The following CTDP1 variants were observed in gnomAD, a reference collection of about 807,000 sequenced individuals.
CTDP1 encodes the protein RNA polymerase II subunit A C-terminal domain phosphatase.
A neutral mutation model predicts 91.8 loss-of-function variants in CTDP1; 47 were observed. The observed-to-expected ratio is 0.51, with a 90% confidence interval of 0.41 to 0.65. The LOEUF (loss-of-function observed/expected upper bound fraction) is 0.65. Among genes scored for constraint, CTDP1 ranks in the 30% least tolerant of loss-of-function variants. CTDP1 has a pLI of 0.00. For synonymous variants in CTDP1, 656 were observed against 598.5 expected (o/e 1.10, Z -1.40); for missense variants, 1,272 against 1,373.7 (o/e 0.93, Z 1.17).
At chr18:79,693,265 GT>G (rs905848736) in intron 1 of CTDP1, among the ~76,000 whole-genome samples, 1 of 151,772 alleles carries the variant, frequency 6.6e-6, no homozygotes, top group Non-Finnish European at 1.5e-5. Context: ...TTTTGTTTTT[GT>G]TTTTTTTCAG....
chr18:79,679,994 C>T lies in CTDP1; in HGVS notation c.47C>T (p.Thr16Met). Residue 16 changes from threonine (T) to methionine (M), a missense_variant, in exon 1 of 13, where the codon ACG becomes ATG. Physicochemically the swap from Thr to Met is moderately conservative, Grantham distance 81. Transcript: ENST00000613122. ...CGCGTTCCTGCCGAGGGCGCCCCGA[C>T]GGCGGCTGTGGCCGAGGTGCGCTGC... ...AGRVPAEGAPTAAVAEVRCPG... is the reference protein window; with the variant it reads ...AGRVPAEGAPMAAVAEVRCPG... 1 of 1,336,908 alleles carries T rather than the reference C, an allele frequency of 7.5e-7. No homozygotes were observed. Among genetic ancestry groups the T allele is most frequent in the South Asian group, 1.7e-5 (1 of 57,548 alleles). 82.8% of individuals were successfully genotyped at this position (1,336,908 alleles called of 1,614,324 possible). A position where few individuals can be genotyped will look rare whatever the true frequency, so the allele number is the denominator to read the frequency against.
chr18:79,723,175 C>G (rs1168004018), intron 10 of CTDP1, among the ~76,000 whole-genome samples: 2 of 152,036 alleles, frequency 1.3e-5, no homozygotes, highest in Non-Finnish European at 2.9e-5. Context: ...CCCCATGGCA[C>G]TCCTGTCTCA....
chr18:79,696,611 G>A (rs2056084196), intron 3 of CTDP1, among the ~76,000 whole-genome samples: 1 of 152,152 alleles, frequency 6.6e-6, no homozygotes, highest in Non-Finnish European at 1.5e-5. Flanking sequence ...GGGAGAGTGG[G>A]CACATGCAGG....
chr18:79,730,320 G>A (rs2086539809), intron 11 of CTDP1, among the ~76,000 whole-genome samples: 2 of 152,216 alleles, frequency 1.3e-5, no homozygotes, highest in Non-Finnish European at 2.9e-5. Context: ...GGGGTGGGAG[G>A]AGAGGAGGGA....
intron 11 of CTDP1, among the ~76,000 whole-genome samples, chr18:79,731,197 A>C (rs1429107892): frequency 6.6e-6 from 1 of 152,082 alleles, no homozygotes; most frequent in Non-Finnish European, 1.5e-5. Flanking sequence ...GACGATGGGG[A>C]GTCAAGAGGA....
chr18:79,712,471 A>G (rs586455), intron 6 of CTDP1, among the ~76,000 whole-genome samples: 115,887 of 152,022 alleles, frequency 0.76, 44,428 homozygotes, highest in Middle Eastern at 0.79. Flanking sequence ...TTGTAGAGAC[A>G]GGGTCTTCCT....
chr18:79,676,992 C>T (rs1407747602), upstream of CTDP1, among the ~76,000 whole-genome samples: 1 of 152,260 alleles, frequency 6.6e-6, no homozygotes, highest in Non-Finnish European at 1.5e-5. Context: ...GGGATGTCTA[C>T]ATCTGTCTAC....
intron 5 of CTDP1, among the ~76,000 whole-genome samples, chr18:79,708,387 G>T (rs1438456687): frequency 6.6e-6 from 1 of 152,234 alleles, no homozygotes; most frequent in Admixed American, 6.5e-5. Flanking sequence ...AGTAGGGATG[G>T]GTGCAGGGAG....
intron 6 of CTDP1, among the ~76,000 whole-genome samples, 192 bp from the exon 7 acceptor site, chr18:79,712,780 A>C (rs1031009292): frequency 1.3e-5 from 2 of 152,224 alleles, no homozygotes; most frequent in African/African-American, 2.4e-5. Flanking sequence ...AATCGGAAAC[A>C]GCACTGAAGA....
chr18:79,737,582 T>C (rs1006281712), intron 12 of CTDP1, among the ~76,000 whole-genome samples: 1 of 152,102 alleles, frequency 6.6e-6, no homozygotes, highest in African/African-American at 2.4e-5. Flanking sequence ...TTTCTCAGGT[T>C]GGTCGATGAA....
At chr18:79,734,047 C>G (rs895743827) in intron 11 of CTDP1, among the ~76,000 whole-genome samples, 7 of 152,238 alleles carry the variant, frequency 4.6e-5, no homozygotes, top group African/African-American at 1.7e-4. Context: ...AATTTTCTAA[C>G]TTTACAATGA....
At chr18:79,698,502 C>G (rs1452221894) in intron 4 of CTDP1, among the ~76,000 whole-genome samples, 1 of 152,104 alleles carries the variant, frequency 6.6e-6, no homozygotes, top group Non-Finnish European at 1.5e-5. Context: ...AGGGTGAGGG[C>G]AGAACCCTGT....
At chr18:79,678,770 G>A (rs143641975), upstream of CTDP1, 2 of 152,914 alleles carry the variant, frequency 1.3e-5, no homozygotes, top group East Asian at 1.9e-4. Flanking sequence ...AATTAAAACA[G>A]TCCAGAGCGG....
At position 79,736,494 on chromosome 18, in the gene CTDP1, G is replaced by C; in HGVS notation, c.2720G>C (p.Arg907Thr). ...RTLGAPASSE[R>T]SAAGGRGPRG... ...CTCGGGGCACCTGCGTCCAGCGAGA[G>C]GAGCGCGGCAGGGGGCCGGGGGCCC... The change falls in exon 12 of 13, where the codon AGG (arginine) becomes ACG (threonine). Residue 907 changes from arginine to threonine, a missense_variant. By Grantham distance (71) the Arg-to-Thr change is moderately conservative (BLOSUM62 -1). Transcript: ENST00000613122. The C allele has an allele frequency of 6.5e-7, 1 of 1,546,746 alleles. No individual in the cohort carries two copies. Among genetic ancestry groups the C allele is most frequent in the Admixed American group, 2.0e-5 (1 of 50,894 alleles).
chr18:79,714,601 G>A lies in CTDP1; in HGVS notation c.1141G>A (p.Ala381Thr), dbSNP rs149326881. 10 of 1,612,924 alleles carry A rather than the reference G, an allele frequency of 6.2e-6. No homozygotes were observed. In the African/African-American group the frequency reaches 1.1e-4, roughly 17 times the overall value. The part of the protein sequence containing the change: ...VEPSNGLEKP[A>T]RELNGSEAAT... ...GCCCAGCAATGGCCTGGAGAAGCCTGCACGGGAGCTGAACGGCAGCGAGGC... is the reference window on the plus strand; with the variant it reads ...GCCCAGCAATGGCCTGGAGAAGCCTACACGGGAGCTGAACGGCAGCGAGGC... Residue 381 changes from alanine to threonine, a missense_variant, in exon 8 of 13, where the codon GCA becomes ACA. Ala to Thr is a moderately conservative substitution (Grantham distance 58, BLOSUM62 0). Coordinates refer to ENST00000613122, the MANE Select transcript of CTDP1 (RefSeq NM_004715.5).
intron 4 of CTDP1, among the ~76,000 whole-genome samples, chr18:79,701,120 A>G (rs1198743431): frequency 1.3e-5 from 2 of 152,254 alleles, no homozygotes; most frequent in Non-Finnish European, 2.9e-5. Flanking sequence ...GGAGACGTAC[A>G]GGAGAGGAAT....
At chr18:79,737,631 G>A (rs926847319) in intron 12 of CTDP1, among the ~76,000 whole-genome samples, 6 of 151,898 alleles carry the variant, frequency 4.0e-5, no homozygotes, top group African/African-American at 1.2e-4. Context: ...TCCCCGTCCC[G>A]CATCCCCCAT....
chr18:79,703,812 T>C (rs201607017), intron 4 of CTDP1, among the ~76,000 whole-genome samples: 1 of 152,052 alleles, frequency 6.6e-6, no homozygotes, highest in Non-Finnish European at 1.5e-5. Flanking sequence ...GAGTAGTTAG[T>C]GTAGCTATCA....
At chr18:79,751,203 A>G (rs1377538652) in intron 12 of CTDP1, among the ~76,000 whole-genome samples, 10 of 63,804 alleles carry the variant, frequency 1.6e-4, no homozygotes, top group Non-Finnish European at 2.1e-4. Context: ...TGGGCACAGA[A>G]GACAGGCTAG....
Sources: allele counts gnomAD v4.1 joint callset (sites outside exome capture counted in the v4.1 genomes callset), GRCh38; gene constraint gnomAD v4.1.1; transcripts MANE v1.5; gene names NCBI Gene and HGNC (gene_info 2026-07-23, HGNC 2026-07-21).